Variants in ANKRD44 observed in about 807,000 individuals in gnomAD.
ANKRD44 encodes the protein ankyrin repeat domain 44.
Under a neutral mutation model 116.0 loss-of-function variants are expected in ANKRD44, and 35 were observed. That is an observed-to-expected ratio of 0.30 (90% CI 0.23 to 0.40). The LOEUF (loss-of-function observed/expected upper bound fraction) is 0.40, where lower values mean the gene tolerates loss of function less well. ANKRD44 is among the 10% of genes least tolerant of loss of function. The pLI, the probability that ANKRD44 is intolerant of heterozygous loss-of-function variation, is 1.00. For synonymous variants in ANKRD44, 435 were observed against 461.8 expected (o/e 0.94, Z 0.74); for missense variants, 1,014 against 1,242.6 (o/e 0.82, Z 2.77).
intron 10 of ANKRD44, among the ~76,000 whole-genome samples, chr2:197,091,952 G>C (rs1011101529): frequency 4.6e-5 from 7 of 152,056 alleles, no homozygotes; most frequent in African/African-American, 1.7e-4. Context: ...GGACTTTATA[G>C]ACCGACCCCC....
intron 1 of ANKRD44, among the ~76,000 whole-genome samples, chr2:197,266,375 A>G (rs1199797287): frequency 2.0e-5 from 3 of 152,262 alleles, no homozygotes; most frequent in East Asian, 3.9e-4. Context: ...TTACAGTTGA[A>G]ATTACATCCT....
At position 197,081,629 on chromosome 2, in the gene ANKRD44, C is replaced by G; in HGVS notation, c.1538+16G>C. 6.2e-7 allele frequency: 1 copy of G among 1,610,630 alleles called. No homozygotes were observed. Among genetic ancestry groups the G allele is most frequent in the Non-Finnish European group, 8.5e-7 (1 of 1,177,374 alleles). ...TCAGAAATGGCACCTTGTTCTTAAGCTGAGAAGAAACTTACAGTGTGGCTT... is the reference window on the plus strand; with the variant it reads ...TCAGAAATGGCACCTTGTTCTTAAGGTGAGAAGAAACTTACAGTGTGGCTT... On this transcript the variant is annotated intron_variant, in intron 15 of 27. Transcript: ENST00000282272.
chr2:197,103,190 T>A (rs1370086274), intron 9 of ANKRD44, among the ~76,000 whole-genome samples: 1 of 143,488 alleles, frequency 7.0e-6, no homozygotes, highest in Non-Finnish European at 1.5e-5. Flanking sequence ...ATTACGCCAC[T>A]GCGCTCCAGC....
At chr2:197,153,225 CAAAAAAAA>C (rs75600123) in intron 2 of ANKRD44, among the ~76,000 whole-genome samples, 16,458 of 69,560 alleles carry the variant, frequency 0.24, 1,261 homozygotes, top group South Asian at 0.35. Flanking sequence ...AAGACCCTGC[CAAAAAAAA>C]AAAAAAAAAA....
chr2:197,175,595 G>C (rs773397317), intron 2 of ANKRD44, among the ~76,000 whole-genome samples: 2 of 152,116 alleles, frequency 1.3e-5, no homozygotes, highest in Non-Finnish European at 2.9e-5. Context: ...AAGGGACATG[G>C]TATCATGTTC....
chr2:197,244,792 C>T (rs181159816), intron 1 of ANKRD44, among the ~76,000 whole-genome samples: 3 of 152,210 alleles, frequency 2.0e-5, no homozygotes, highest in East Asian at 1.9e-4. Flanking sequence ...TATGTATCTC[C>T]GTGTTCTAGC....
intron 24 of ANKRD44, 142 bp downstream of exon 24, chr2:196,998,765 A>G: frequency 1.8e-6 from 2 of 1,123,526 alleles, no homozygotes; most frequent in Non-Finnish European, 2.5e-6. Flanking sequence ...ACGCTTGAGC[A>G]GGTAGAATCA....
intron 10 of ANKRD44, among the ~76,000 whole-genome samples, chr2:197,094,026 T>C (rs1365169162): frequency 2.0e-5 from 3 of 152,212 alleles, no homozygotes; most frequent in Non-Finnish European, 4.4e-5. Flanking sequence ...CCCAGTTATT[T>C]CAGAATAAAT....
At chr2:197,078,325 AC>A (rs1553502815) in intron 16 of ANKRD44, 1 of 251,128 alleles carries the variant, frequency 4.0e-6, no homozygotes, top group Non-Finnish European at 7.9e-6. Flanking sequence ...ACACACACAC[AC>A]GCATACACAT....
chr2:197,149,701 T>C (rs929777647), intron 2 of ANKRD44, among the ~76,000 whole-genome samples: 1 of 152,194 alleles, frequency 6.6e-6, no homozygotes, highest in African/African-American at 2.4e-5. Flanking sequence ...TTTCCACTAT[T>C]GACCAAGGGT....
intron 21 of ANKRD44, among the ~76,000 whole-genome samples, chr2:196,978,606 A>G (rs2075776240): frequency 6.6e-6 from 1 of 152,166 alleles, no homozygotes; most frequent in South Asian, 2.1e-4. Context: ...GGGGATGGGG[A>G]GAGAGAGAGA....
At chr2:197,222,600 G>C (rs944214724) in intron 1 of ANKRD44, among the ~76,000 whole-genome samples, 2 of 152,092 alleles carry the variant, frequency 1.3e-5, no homozygotes, top group Non-Finnish European at 2.9e-5. Flanking sequence ...TTCTGGAGAA[G>C]TTTGGGAGAA....
At chr2:197,213,207 A>G (rs1420704916) in intron 1 of ANKRD44, among the ~76,000 whole-genome samples, 1 of 152,250 alleles carries the variant, frequency 6.6e-6, no homozygotes, top group Non-Finnish European at 1.5e-5. Flanking sequence ...AGTCTGGTAT[A>G]TCACCCAAAC....
downstream of ANKRD44, among the ~76,000 whole-genome samples, chr2:196,984,080 T>C (rs1028115273): frequency 6.6e-6 from 1 of 152,228 alleles, no homozygotes; most frequent in Non-Finnish European, 1.5e-5. Context: ...AGTATGTTTA[T>C]GCAATCCCTT....
chr2:197,204,064 G>A (rs1452471784), intron 1 of ANKRD44, among the ~76,000 whole-genome samples: 1 of 152,056 alleles, frequency 6.6e-6, no homozygotes, highest in Non-Finnish European at 1.5e-5. Context: ...CTTTTAAAAT[G>A]GTTAAAATGG....
At chr2:197,089,075 G>C (rs530360352) in intron 11 of ANKRD44, among the ~76,000 whole-genome samples, 2 of 152,294 alleles carry the variant, frequency 1.3e-5, no homozygotes, top group Admixed American at 1.3e-4. Context: ...GATAAGTAGG[G>C]CAATCGACAG....
chr2:197,081,632 A>T lies in ANKRD44; in HGVS notation c.1538+13T>A. The T allele has an allele frequency of 6.2e-7, 1 of 1,611,654 alleles. No homozygotes were observed. The highest frequency in any genetic ancestry group is 8.5e-7 in the Non-Finnish European group (1 of 1,178,018). On this transcript the variant is annotated intron_variant, in intron 15 of 27. Transcript: ENST00000282272. ...GAAATGGCACCTTGTTCTTAAGCTG[A>T]GAAGAAACTTACAGTGTGGCTTCCT...
chr2:197,274,018 T>TAG lies in ANKRD44; in HGVS notation c.27+36559_27+36560insCT, dbSNP rs56952873. 4.2e-3 allele frequency among the ~76,000 whole-genome samples: 299 copies of TAG among 71,014 alleles called. 32 individuals carry two copies. Among genetic ancestry groups the TAG allele is most frequent in the Middle Eastern group, 0.017 (2 of 116 alleles). The allele number at this position is 71,014 out of a possible 152,430, so 46.6% of individuals were successfully genotyped here. A position where few individuals can be genotyped will look rare whatever the true frequency, so the allele number is the denominator to read the frequency against. On this transcript the variant is annotated intron_variant, in intron 1 of 27. Coordinates refer to ENST00000282272, the MANE Select transcript of ANKRD44 (RefSeq NM_001195144.2). ...ATATATATATATATATATATATATA[T>TAG]ATATATATATGAATCAGACAGGCTT...
At chr2:196,999,880 AC>A (rs2076083655) in intron 23 of ANKRD44, among the ~76,000 whole-genome samples, 1 of 152,154 alleles carries the variant, frequency 6.6e-6, no homozygotes, top group South Asian at 2.1e-4. Context: ...GGCGTGAGCC[AC>A]TGTACCCTGC....
Sources: gnomAD v4.1 joint callset for allele counts (sites outside exome capture counted in the v4.1 genomes callset) on GRCh38, gnomAD v4.1.1 for gene constraint, MANE v1.5 for transcripts, NCBI Gene and HGNC (gene_info 2026-07-23, HGNC 2026-07-21) for gene names.